RBMS3: variants seen among roughly 807,000 people sequenced by gnomAD.
RBMS3 encodes RNA binding motif single stranded interacting protein 3, also known as RNA-binding motif, single-stranded-interacting protein 3.
A neutral mutation model predicts 66.8 loss-of-function variants in RBMS3; 27 were observed. The ratio of observed to expected loss-of-function variants is 0.40; its 90% CI spans 0.30 to 0.56. The LOEUF is 0.56. RBMS3 is among the 20% of genes least tolerant of loss of function. The probability of loss-of-function intolerance (pLI) is 0.40; values close to 1 mark genes in which losing one functional copy is unlikely to be tolerated. For missense variants in RBMS3, 513 were observed against 549.5 expected (o/e 0.93, Z 0.66); for synonymous variants, 188 against 183.0 (o/e 1.03, Z -0.22).
At chr3:29,808,837 C>T (rs568262170) in intron 6 of RBMS3, among the ~76,000 whole-genome samples, 134 of 151,846 alleles carry the variant, frequency 8.8e-4, no homozygotes, top group African/African-American at 3.1e-3. Flanking sequence ...GATACCATGG[C>T]TTGAAAAGAA....
At chr3:29,873,001 G>A (rs1034809825) in intron 7 of RBMS3, among the ~76,000 whole-genome samples, 8 of 152,244 alleles carry the variant, frequency 5.3e-5, no homozygotes, top group East Asian at 1.9e-4. Flanking sequence ...CTATAGCCCC[G>A]TGGTATAGTT....
chr3:29,459,108 A>G (rs1010444976), intron 2 of RBMS3, among the ~76,000 whole-genome samples: 2 of 152,140 alleles, frequency 1.3e-5, no homozygotes, highest in African/African-American at 2.4e-5. Flanking sequence ...CTTGCAAGTC[A>G]TTTGTTCCTC....
intron 3 of RBMS3, among the ~76,000 whole-genome samples, chr3:29,527,834 C>T (rs1362422670): frequency 2.0e-5 from 3 of 149,664 alleles, no homozygotes; most frequent in Non-Finnish European, 4.4e-5. Context: ...TGATGTTCCC[C>T]TTCCTGTGTC....
rs71091080 is a variant in RBMS3, at chr3:29,838,173, C to CAAAAAAAA, written c.638-30673_638-30666dup. On this transcript the variant is annotated intron_variant, in intron 6 of 14. Coordinates refer to ENST00000383767, the MANE Select transcript of RBMS3 (RefSeq NM_001003793.3). Reference sequence around the variant, plus strand: ...GCAACATAGTGAGACCTCATCTCTACAAAAAAAAAAAAAAAAAAAGCCAGC... The same window carrying CAAAAAAAA: ...GCAACATAGTGAGACCTCATCTCTACAAAAAAAAAAAAAAAAAAAAAAAAAAAGCCAGC... Among the ~76,000 whole-genome samples the CAAAAAAAA allele has an allele frequency of 2.4e-5, 2 of 83,056 alleles. 1 individual carries two copies. Among genetic ancestry groups the CAAAAAAAA allele is most frequent in the Non-Finnish European group, 4.4e-5 (2 of 45,102 alleles). The allele number at this position is 83,056 out of a possible 152,430, so 54.5% of individuals were successfully genotyped here. A position where few individuals can be genotyped will look rare whatever the true frequency, so the allele number is the denominator to read the frequency against.
In RBMS3 at chr3:29,826,110, T is replaced by C. The variant is rs571723539; in HGVS notation, c.638-42748T>C. ...GTCTCCAAGTGGCTTGTCAGTGTTATATACTGATGGCATGTATATCAATGA... is the reference window on the plus strand; with the variant it reads ...GTCTCCAAGTGGCTTGTCAGTGTTACATACTGATGGCATGTATATCAATGA... On this transcript the variant is annotated intron_variant, in intron 6 of 14. Transcript: ENST00000383767. 3.9e-5 allele frequency among the ~76,000 whole-genome samples: 6 copies of C among 152,320 alleles called. No individual in the cohort carries two copies. The East Asian group carries it at 1.2e-3, about 29-fold the overall frequency.
chr3:29,524,816 G>C (rs1190810881), intron 3 of RBMS3, among the ~76,000 whole-genome samples: 2 of 152,050 alleles, frequency 1.3e-5, no homozygotes, highest in Non-Finnish European at 2.9e-5. Flanking sequence ...ACTTTGGGAG[G>C]CTGAGGTGGG....
At chr3:29,906,626 AATTTT>A (rs1255039738) in intron 10 of RBMS3, among the ~76,000 whole-genome samples, 1 of 152,150 alleles carries the variant, frequency 6.6e-6, no homozygotes, top group Non-Finnish European at 1.5e-5. Flanking sequence ...TGTATATACT[AATTTT>A]ATTCATTTAA....
At chr3:29,988,019 G>A (rs1051625618) in intron 12 of RBMS3, 124 bp from the exon 13 acceptor site, 14 of 716,304 alleles carry the variant, frequency 2.0e-5, no homozygotes, top group Non-Finnish European at 3.0e-5. Flanking sequence ...AGTGAAAATT[G>A]AGCTGGGAAA....
chr3:29,962,542 GTCAAGAC>G (rs1286765488), intron 12 of RBMS3, among the ~76,000 whole-genome samples: 1 of 129,492 alleles, frequency 7.7e-6, no homozygotes, highest in African/African-American at 3.6e-5. Context: ...TTTAATATGG[GTCAAGAC>G]TCATATATAT....
intron 2 of RBMS3, among the ~76,000 whole-genome samples, chr3:29,473,039 G>T (rs2042800444): frequency 6.6e-6 from 1 of 151,448 alleles, no homozygotes; most frequent in Non-Finnish European, 1.5e-5. Context: ...GATACAGAGT[G>T]TAGATTGGTG....
intron 4 of RBMS3, among the ~76,000 whole-genome samples, chr3:29,620,539 C>T (rs576248928): frequency 6.6e-6 from 1 of 151,916 alleles, no homozygotes; most frequent in African/African-American, 2.4e-5. Context: ...TTGAGGTGGT[C>T]CACTTACTGT....
chr3:29,561,248 A>G (rs1195593225), intron 3 of RBMS3, among the ~76,000 whole-genome samples: 1 of 152,150 alleles, frequency 6.6e-6, no homozygotes, highest in East Asian at 1.9e-4. Context: ...CCTTTGGTAT[A>G]TACCCAGTAA....
At chr3:29,307,462 T>C (rs747319906) in intron 1 of RBMS3, among the ~76,000 whole-genome samples, 1 of 151,872 alleles carries the variant, frequency 6.6e-6, no homozygotes, top group Non-Finnish European at 1.5e-5. Flanking sequence ...TACATAGTGG[T>C]CTGTTTTGAG....
intron 1 of RBMS3, among the ~76,000 whole-genome samples, chr3:29,363,006 C>G (rs556460352): frequency 1.3e-5 from 2 of 152,062 alleles, no homozygotes; most frequent in Non-Finnish European, 2.9e-5. Flanking sequence ...AAATTTTGCC[C>G]CTCTCATCTG....
chr3:29,925,980 C>T (rs540694730), intron 10 of RBMS3, among the ~76,000 whole-genome samples: 1 of 152,240 alleles, frequency 6.6e-6, no homozygotes, highest in African/African-American at 2.4e-5. Context: ...AAATAGGACA[C>T]TGAAGGATAA....
chr3:29,557,914 G>C (rs2046416824), intron 3 of RBMS3, among the ~76,000 whole-genome samples: 1 of 152,106 alleles, frequency 6.6e-6, no homozygotes, highest in South Asian at 2.1e-4. Context: ...AAATTTAAAA[G>C]ACTGTTTATC....
At chr3:29,951,284 A>G (rs952947183) in intron 12 of RBMS3, among the ~76,000 whole-genome samples, 1 of 151,816 alleles carries the variant, frequency 6.6e-6, no homozygotes, top group African/African-American at 2.4e-5. Flanking sequence ...ATTTACCACC[A>G]GACACTGTTT....
chr3:29,864,612 A>G (rs1340731616), intron 6 of RBMS3, among the ~76,000 whole-genome samples: 1 of 152,276 alleles, frequency 6.6e-6, no homozygotes, highest in South Asian at 2.1e-4. Flanking sequence ...ACACTGACAC[A>G]TGACCGGGTT....
chr3:29,941,799 A>C (rs1336168576), intron 11 of RBMS3, among the ~76,000 whole-genome samples: 1 of 151,856 alleles, frequency 6.6e-6, no homozygotes, highest in Non-Finnish European at 1.5e-5. Flanking sequence ...GTAATGAAAG[A>C]AACAGAAACA....
Sources: allele counts gnomAD v4.1 joint callset (sites outside exome capture counted in the v4.1 genomes callset), GRCh38; gene constraint gnomAD v4.1.1; transcripts MANE v1.5; gene names NCBI Gene and HGNC (gene_info 2026-07-23, HGNC 2026-07-21).